HDAC9: variants seen among roughly 807,000 people sequenced by gnomAD.
HDAC9 encodes histone deacetylase 9.
Under a neutral mutation model 139.4 loss-of-function variants are expected in HDAC9, and 41 were observed. That is an observed-to-expected ratio of 0.29 (90% CI 0.23 to 0.38). The LOEUF is 0.38. HDAC9 is among the 10% of genes least tolerant of loss of function. The pLI is 1.00. For missense variants in HDAC9, 1,147 were observed against 1,297.0 expected, an observed-to-expected ratio of 0.88 and a Z score of 1.78; for synonymous variants, 517 against 476.2, an observed-to-expected ratio of 1.09 and a Z score of -1.12.
intron 22 of HDAC9, among the ~76,000 whole-genome samples, chr7:18,927,691 A>G (rs1325634667): frequency 1.3e-5 from 2 of 152,228 alleles, no homozygotes; most frequent in African/African-American, 2.4e-5. Flanking sequence ...AATGTAATTG[A>G]CATGTTAATA....
chr7:18,484,867 A>AAT (rs371308441), intron 1 of HDAC9, among the ~76,000 whole-genome samples: 1 of 151,418 alleles, frequency 6.6e-6, no homozygotes. Flanking sequence ...AAAAAAAAAA[A>AAT]GGAAAACGTA....
chr7:18,589,395 G>A (rs1404108620), intron 3 of HDAC9, among the ~76,000 whole-genome samples: 1 of 152,100 alleles, frequency 6.6e-6, no homozygotes, highest in Non-Finnish European at 1.5e-5. Context: ...TTAGCCAGGA[G>A]TGGTTGTATA....
chr7:18,171,036 C>A (rs1201329316), intron 2 of HDAC9, among the ~76,000 whole-genome samples: 2 of 152,168 alleles, frequency 1.3e-5, no homozygotes, highest in Non-Finnish European at 2.9e-5. Flanking sequence ...TTACCTTGGG[C>A]AGTATAGCTA....
In HDAC9 at chr7:18,228,195, GTTGT is replaced by G. The variant is rs551944073; in HGVS notation, c.25+65849_25+65852del. Among the ~76,000 whole-genome samples the G allele has an allele frequency of 2.1e-4, 32 of 152,022 alleles. No individual in the cohort carries two copies. In the South Asian group the frequency reaches 6.2e-3, roughly 30 times the overall value. ...CAGACACTTTCATAGAATAAAGGGG[GTTGT>G]TTAATACTCCAAGAATTACTATTCT... On this transcript the variant is annotated intron_variant, in intron 2 of 12. Transcript: ENST00000417496.
At chr7:18,303,343 ACTACAGGCACCCACCGC>A (rs747177756) in intron 1 of HDAC9, among the ~76,000 whole-genome samples, 125 of 149,044 alleles carry the variant, frequency 8.4e-4, no homozygotes, top group Non-Finnish European at 1.5e-3. Flanking sequence ...AGTGGCTGGG[ACTACAGGCACCCACCGC>A]CACGCCCAGC....
At chr7:18,406,343 G>C (rs1325397759) in intron 1 of HDAC9, among the ~76,000 whole-genome samples, 1 of 151,746 alleles carries the variant, frequency 6.6e-6, no homozygotes, top group African/African-American at 2.4e-5. Context: ...CTGAAATTAT[G>C]TTTGTACCAA....
intron 1 of HDAC9, among the ~76,000 whole-genome samples, chr7:18,462,982 C>T (rs1022631399): frequency 1.3e-5 from 2 of 151,952 alleles, no homozygotes; most frequent in African/African-American, 2.4e-5. Flanking sequence ...CCTACTGGTA[C>T]TGTATGAGAG....
At chr7:18,883,662 A>C (rs1167153243) in intron 22 of HDAC9, among the ~76,000 whole-genome samples, 1 of 152,116 alleles carries the variant, frequency 6.6e-6, no homozygotes, top group Non-Finnish European at 1.5e-5. Flanking sequence ...ACTTCTATTC[A>C]GCATACTAAC....
chr7:18,889,011 T>C (rs1800429180), intron 22 of HDAC9, among the ~76,000 whole-genome samples: 1 of 152,236 alleles, frequency 6.6e-6, no homozygotes, highest in East Asian at 1.9e-4. Flanking sequence ...ATTGACTATC[T>C]GTGGCGTATC....
chr7:18,949,156 T>G (rs1782610744), intron 23 of HDAC9: 1 of 271,746 alleles, frequency 3.7e-6, no homozygotes, highest in African/African-American at 2.3e-5. Flanking sequence ...TCTTTTTCAG[T>G]CTGGTTTGAT....
At chr7:18,970,498 A>C (rs536009789) in intron 24 of HDAC9, among the ~76,000 whole-genome samples, 3 of 152,318 alleles carry the variant, frequency 2.0e-5, no homozygotes, top group Admixed American at 2.0e-4. Context: ...ATCCCCATTT[A>C]GCCTCAAAAT....
chr7:18,485,375 T>C (rs1030977125), intron 1 of HDAC9, among the ~76,000 whole-genome samples: 5 of 151,830 alleles, frequency 3.3e-5, no homozygotes, highest in African/African-American at 1.2e-4. Flanking sequence ...ATATGAATGG[T>C]TTGTTTAGCA....
At chr7:18,190,993 A>G (rs566922856) in intron 2 of HDAC9, among the ~76,000 whole-genome samples, 2 of 152,342 alleles carry the variant, frequency 1.3e-5, no homozygotes, top group Admixed American at 6.5e-5. Context: ...ATAATTTTTT[A>G]GAATCACAGG....
intron 2 of HDAC9, among the ~76,000 whole-genome samples, chr7:18,263,034 A>C (rs538527911): frequency 1.3e-5 from 2 of 152,344 alleles, no homozygotes; most frequent in African/African-American, 4.8e-5. Flanking sequence ...AAATGTATTA[A>C]ATAGTCCAAT....
chr7:18,987,989 G>T (rs1005614709), intron 25 of HDAC9, among the ~76,000 whole-genome samples: 22 of 152,122 alleles, frequency 1.4e-4, no homozygotes, highest in Non-Finnish European at 2.1e-4. Flanking sequence ...TAGCGGTCTA[G>T]CAATTTTGTT....
At chr7:18,777,586 G>A (rs528344158) in intron 16 of HDAC9, among the ~76,000 whole-genome samples, 1 of 151,826 alleles carries the variant, frequency 6.6e-6, no homozygotes, top group Admixed American at 6.6e-5. Context: ...GAATTCCAGG[G>A]TATTTTTACT....
intron 16 of HDAC9, among the ~76,000 whole-genome samples, chr7:18,792,269 A>ATTT (rs1562944965): frequency 5.5e-4 from 75 of 137,224 alleles, no homozygotes; most frequent in African/African-American, 1.7e-3. Context: ...TTTTTTTTTA[A>ATTT]AAAAAAAAAA....
intron 17 of HDAC9, among the ~76,000 whole-genome samples, chr7:18,820,847 A>G (rs1157480713): frequency 3.9e-5 from 6 of 152,238 alleles, no homozygotes; most frequent in Admixed American, 6.5e-5. Flanking sequence ...TTAGAAATAG[A>G]GATGAGTTCT....
intron 1 of HDAC9, among the ~76,000 whole-genome samples, chr7:18,294,305 G>A (rs1241826194): frequency 6.6e-6 from 1 of 151,878 alleles, no homozygotes; most frequent in African/African-American, 2.4e-5. Flanking sequence ...TCTGGTTTTG[G>A]GTATTTAACT....
Sources: gnomAD v4.1 joint callset for allele counts (sites outside exome capture counted in the v4.1 genomes callset) on GRCh38, gnomAD v4.1.1 for gene constraint, MANE v1.5 for transcripts, NCBI Gene and HGNC (gene_info 2026-07-23, HGNC 2026-07-21) for gene names.